The following ABCB9 variants were observed in gnomAD, a reference collection of about 807,000 sequenced individuals.
ABCB9 encodes ATP binding cassette subfamily B member 9.
In ABCB9, 36 loss-of-function variants were observed where a neutral mutation model predicts 62.0. The observed-to-expected ratio is 0.58, with a 90% confidence interval of 0.45 to 0.77. The LOEUF (loss-of-function observed/expected upper bound fraction) is 0.77, where lower values mean the gene tolerates loss of function less well. Ranked by LOEUF, ABCB9 falls within the 30% of genes least tolerant of loss-of-function variation. The probability of loss-of-function intolerance (pLI) is 0.00; values close to 1 mark genes in which losing one functional copy is unlikely to be tolerated. For synonymous variants in ABCB9, 435 were observed against 461.4 expected, an observed-to-expected ratio of 0.94 and a Z score of 0.73; for missense variants, 943 against 1,054.7, an observed-to-expected ratio of 0.89 and a Z score of 1.47.
chr12:122,972,200 G>A (rs969038986), intron 1 of ABCB9, among the ~76,000 whole-genome samples: 3 of 150,998 alleles, frequency 2.0e-5, no homozygotes, highest in African/African-American at 2.4e-5. Context: ...GCCAGCCACC[G>A]CGCCCGGCTA....
downstream of ABCB9, chr12:122,924,619 A>G: frequency 3.5e-6 from 5 of 1,439,718 alleles, no homozygotes; most frequent in Non-Finnish European, 4.6e-6. Flanking sequence ...GATGAAGACA[A>G]ACTCTAATGT....
At chr12:122,963,132 T>C (rs2036996887) in intron 1 of ABCB9, among the ~76,000 whole-genome samples, 1 of 152,126 alleles carries the variant, frequency 6.6e-6, no homozygotes. Context: ...ATCCCGTCTC[T>C]ACTAAAAATA....
In ABCB9 at chr12:122,964,315, G is replaced by T. The variant is rs558987927; in HGVS notation, c.-88+1972C>A. On this transcript the variant is annotated intron_variant, in intron 1 of 11. Transcript: ENST00000280560. The surrounding 1 kb of genome is among the most constrained non-coding windows in gnomAD (Gnocchi z 4.7). ...CCAGTCATGCCCCCCGCCTCCAGAA[G>T]CCTATTTATCTTCATCAGAATAAAC... Among the ~76,000 whole-genome samples, 1 of 152,284 alleles carries T rather than the reference G, an allele frequency of 6.6e-6. No homozygotes were observed. Among genetic ancestry groups the T allele is most frequent in the South Asian group, 2.1e-4 (1 of 4,826 alleles).
chr12:122,948,698 G>T lies in ABCB9; in HGVS notation c.979C>A (p.Gln327Lys), dbSNP rs1312131025. The T allele has an allele frequency of 1.2e-6, 2 of 1,614,026 alleles. No homozygotes were observed. Among genetic ancestry groups the T allele is most frequent in the Non-Finnish European group, 1.7e-6 (2 of 1,179,952 alleles). ...VVVFMFSLSW[Q>K]LSLVTFMGFP... ...CCCATGAAGGTGACCAAGGAGAGCT[G>T]CCATGAGAGGCTGAACATGAAGACC... Residue 327 changes from glutamine to lysine, a missense_variant, in exon 5 of 12, where the codon CAG (glutamine) becomes AAG (lysine). Transcript: ENST00000280560.
chr12:122,944,360 C>G lies in ABCB9; in HGVS notation c.1380+31G>C. ...CCTCTTCCCCAAACTCCTCCCTTCT[C>G]TCTGGATCCCCGGACACACTGGCCT... On this transcript the variant is annotated intron_variant, in intron 7 of 11. Coordinates refer to ENST00000280560, the MANE Select transcript of ABCB9 (RefSeq NM_019625.4). This position sits in a 1 kb window ranked among gnomAD's most constrained non-coding sequence, Gnocchi z 4.9. 1 of 1,585,472 alleles carries G rather than the reference C, an allele frequency of 6.3e-7. No homozygotes were observed. Among genetic ancestry groups the G allele is most frequent in the South Asian group, 1.1e-5 (1 of 89,624 alleles).
At chr12:122,974,430 C>T (rs889333045) in intron 1 of ABCB9, 3 of 152,314 alleles carry the variant, frequency 2.0e-5, no homozygotes, top group African/African-American at 7.2e-5. Context: ...ATATTTGCCC[C>T]TTACTGGATG....
At chr12:122,921,062 T>C (rs1369799923) in intron 11 of ABCB9, 3 of 1,535,186 alleles carry the variant, frequency 2.0e-6, no homozygotes, top group South Asian at 1.2e-5. Context: ...ATAATAAATA[T>C]GCTTGCTAAA....
chr12:122,954,069 C>T (rs191836677), intron 2 of ABCB9, among the ~76,000 whole-genome samples: 47 of 151,448 alleles, frequency 3.1e-4, no homozygotes, highest in Admixed American at 1.4e-3. Flanking sequence ...TTTGGGAGGC[C>T]GAGGTGGGAG....
chr12:122,919,171 C>G (rs2034687937), downstream of ABCB9, among the ~76,000 whole-genome samples: 1 of 151,970 alleles, frequency 6.6e-6, no homozygotes, highest in South Asian at 2.1e-4. Flanking sequence ...CACTTTTTGG[C>G]TTTATTTTAT....
chr12:122,944,533 A>G lies in ABCB9; in HGVS notation c.1252-14T>C. ...CAGCAGTGTGAGCTGGGGCAGAGGG[A>G]GAGGGGATGTGGGTCGAGGGGACCT... On this transcript the variant is annotated splice_polypyrimidine_tract_variant and intron_variant, in intron 6 of 11. Coordinates refer to ENST00000280560, the MANE Select transcript of ABCB9 (RefSeq NM_019625.4). The surrounding 1 kb of genome is among the most constrained non-coding windows in gnomAD (Gnocchi z 4.9). The G allele has an allele frequency of 6.2e-7, 1 of 1,613,236 alleles. No homozygotes were observed. Among genetic ancestry groups the G allele is most frequent in the Non-Finnish European group, 8.5e-7 (1 of 1,179,638 alleles).
chr12:122,962,544 G>A (rs191795125), intron 1 of ABCB9, among the ~76,000 whole-genome samples: 44 of 152,294 alleles, frequency 2.9e-4, no homozygotes, highest in African/African-American at 9.4e-4. Context: ...CCATATTCCC[G>A]TTTACAGTTA....
chr12:122,946,445 G>A (rs2036051854), intron 5 of ABCB9: 2 of 581,590 alleles, frequency 3.4e-6, no homozygotes, highest in Non-Finnish European at 3.1e-6. Flanking sequence ...TGGGGCAATG[G>A]TTTCAGCTCC....
rs371045719 is a variant in ABCB9 at position 122,948,838 on chromosome 12, C to T, written c.848-9G>A. 85 of 1,540,690 alleles carry T rather than the reference C, an allele frequency of 5.5e-5. No homozygotes were observed. Among genetic ancestry groups the T allele is most frequent in the Non-Finnish European group, 4.1e-5 (47 of 1,144,150 alleles). On this transcript the variant is annotated splice_polypyrimidine_tract_variant and intron_variant, in intron 4 of 11. Coordinates refer to ENST00000280560, the MANE Select transcript of ABCB9 (RefSeq NM_019625.4). ...GCGGGAGATGAGGTCCCCTGGAACA[C>T]ACGCGGCTCAGCTCTCACCACAGCA...
In ABCB9 at chr12:122,932,263, G is replaced by C. The variant is rs1403664742; in HGVS notation, c.1969C>G (p.Leu657Val). Reference sequence around the variant, plus strand: ...ATGAGGACTGGGGGGTTCCGCACCAGAGCCCGGGCCATGGCCACCCGCTGC... The same window carrying C: ...ATGAGGACTGGGGGGTTCCGCACCACAGCCCGGGCCATGGCCACCCGCTGC... ...QKQRVAMARA[L>V]VRNPPVLILD... Residue 657 changes from leucine (L) to valine (V), a missense_variant, in exon 11 of 12, where the codon CTG becomes GTG. Transcript: ENST00000280560. The surrounding 1 kb of genome is among the most constrained non-coding windows in gnomAD (Gnocchi z 4.7). 7 of 1,551,584 alleles carry C rather than the reference G, an allele frequency of 4.5e-6. No homozygotes were observed. Among genetic ancestry groups the C allele is most frequent in the African/African-American group, 1.4e-5 (1 of 73,174 alleles).
upstream of ABCB9, among the ~76,000 whole-genome samples, chr12:122,970,938 T>C (rs1219559308): frequency 1.3e-5 from 2 of 152,280 alleles, no homozygotes. Flanking sequence ...GTATGATTCC[T>C]ACCATATGAC....
chr12:122,923,627 T>C (rs922674300), intron 11 of ABCB9, among the ~76,000 whole-genome samples: 1 of 152,198 alleles, frequency 6.6e-6, no homozygotes, highest in South Asian at 2.1e-4. Flanking sequence ...AATTCTTAAT[T>C]GTTAATCCCA....
At chr12:122,953,774 G>A (rs914336127) in intron 2 of ABCB9, among the ~76,000 whole-genome samples, 35 of 151,882 alleles carry the variant, frequency 2.3e-4, no homozygotes, top group Admixed American at 1.3e-4. Context: ...TGCCCGCCTC[G>A]GCCTTCCAAA....
chr12:122,923,000 G>T (rs1276304162), intron 11 of ABCB9, among the ~76,000 whole-genome samples: 4 of 151,902 alleles, frequency 2.6e-5, no homozygotes, highest in Admixed American at 2.0e-4. Flanking sequence ...AGTAGAGATG[G>T]GGTCTCACTA....
intron 2 of ABCB9, among the ~76,000 whole-genome samples, chr12:122,958,316 T>C (rs2036720145): frequency 6.6e-6 from 1 of 152,166 alleles, no homozygotes; most frequent in Non-Finnish European, 1.5e-5. Context: ...GAGGTACTGG[T>C]TGGAAAAATT....
Sources: allele counts gnomAD v4.1 joint callset (sites outside exome capture counted in the v4.1 genomes callset), GRCh38; gene constraint gnomAD v4.1.1; non-coding constraint Gnocchi (gnomAD v3.1); transcripts MANE v1.5; gene names NCBI Gene and HGNC (gene_info 2026-07-23, HGNC 2026-07-21).